SAMTOR: variants seen among roughly 807,000 people sequenced by gnomAD.
SAMTOR encodes UPF0532 protein C7orf60.
chr7:112,885,756 C>G, the SAMTOR span, among the ~76,000 whole-genome samples: 2 of 152,170 alleles, frequency 1.3e-5, no homozygotes, highest in Non-Finnish European at 1.5e-5. Flanking sequence ...ATTTTACTGT[C>G]TTCTTCTGAG....
At chr7:112,901,407 A>G in the SAMTOR span, among the ~76,000 whole-genome samples, 1 of 152,218 alleles carries the variant, frequency 6.6e-6, no homozygotes, top group Non-Finnish European at 1.5e-5. Context: ...ATGATCTGTC[A>G]CTGTATCCCA....
At chr7:112,938,495 T>G in the SAMTOR span, among the ~76,000 whole-genome samples, 4 of 152,362 alleles carry the variant, frequency 2.6e-5, no homozygotes, top group Admixed American at 1.3e-4. Flanking sequence ...AGTAACATGA[T>G]CTTACCTGTC....
the SAMTOR span, among the ~76,000 whole-genome samples, chr7:112,871,564 T>C: frequency 6.6e-6 from 1 of 151,578 alleles, no homozygotes; most frequent in Non-Finnish European, 1.5e-5. Flanking sequence ...CACACCAAGA[T>C]AGGAAGGTCT....
chr7:112,824,570 C>T, the SAMTOR span, among the ~76,000 whole-genome samples: 1 of 152,070 alleles, frequency 6.6e-6, no homozygotes, highest in Non-Finnish European at 1.5e-5. Context: ...ACCATATTGG[C>T]CAGGCTGGTC....
the SAMTOR span, among the ~76,000 whole-genome samples, chr7:112,854,627 A>G: frequency 6.6e-6 from 1 of 152,206 alleles, no homozygotes; most frequent in African/African-American, 2.4e-5. Flanking sequence ...AAAGCTACAC[A>G]AAGAATGTAA....
At chr7:112,873,309 T>C in the SAMTOR span, among the ~76,000 whole-genome samples, 1 of 152,054 alleles carries the variant, frequency 6.6e-6, no homozygotes, top group Non-Finnish European at 1.5e-5. Flanking sequence ...CATTACCCAA[T>C]TGCAAACTAC....
the SAMTOR span, among the ~76,000 whole-genome samples, chr7:112,914,830 CA>C: frequency 6.6e-6 from 1 of 152,058 alleles, no homozygotes; most frequent in Non-Finnish European, 1.5e-5. Flanking sequence ...GTGAATGAAA[CA>C]GACCTAGGGA....
At chr7:112,916,900 C>A in the SAMTOR span, among the ~76,000 whole-genome samples, 1 of 152,208 alleles carries the variant, frequency 6.6e-6, no homozygotes, top group Non-Finnish European at 1.5e-5. Context: ...GAGGGGCGCC[C>A]GCCATTGCCC....
the SAMTOR span, among the ~76,000 whole-genome samples, chr7:112,897,958 G>C: frequency 1.3e-5 from 2 of 152,164 alleles, no homozygotes; most frequent in African/African-American, 2.4e-5. Context: ...CCTCTCCCAA[G>C]CCCCGGCAGT....
chr7:112,895,397 T>C, the SAMTOR span, among the ~76,000 whole-genome samples: 94 of 152,270 alleles, frequency 6.2e-4, no homozygotes, highest in African/African-American at 2.0e-3. Flanking sequence ...CAGATAGCTC[T>C]TACAATTTTC....
At chr7:112,882,084 G>A in the SAMTOR span, among the ~76,000 whole-genome samples, 36 of 152,334 alleles carry the variant, frequency 2.4e-4, no homozygotes, top group African/African-American at 7.0e-4. Context: ...TGCCCACAGC[G>A]GAAGCTGCTT....
chr7:112,853,271 T>C, the SAMTOR span, among the ~76,000 whole-genome samples: 6 of 152,150 alleles, frequency 3.9e-5, no homozygotes, highest in African/African-American at 1.2e-4. Flanking sequence ...CGGAAAAGAA[T>C]TGAGGAAATA....
the SAMTOR span, among the ~76,000 whole-genome samples, chr7:112,867,045 C>T: frequency 9.2e-5 from 14 of 152,162 alleles, no homozygotes; most frequent in Admixed American, 2.6e-4. Flanking sequence ...TTGTAATGTC[C>T]ATCATTTGAT....
the SAMTOR span, among the ~76,000 whole-genome samples, chr7:112,919,528 A>C: frequency 6.6e-6 from 1 of 152,156 alleles, no homozygotes; most frequent in Non-Finnish European, 1.5e-5. Flanking sequence ...CTAACATCAC[A>C]ATTAAAAGAA....
the SAMTOR span, among the ~76,000 whole-genome samples, chr7:112,864,117 C>T: frequency 6.6e-6 from 1 of 152,126 alleles, no homozygotes; most frequent in African/African-American, 2.4e-5. Context: ...CCATGGTGGC[C>T]ATTATCCTCA....
the SAMTOR span, among the ~76,000 whole-genome samples, chr7:112,860,111 A>AC: frequency 6.6e-6 from 1 of 152,280 alleles, no homozygotes; most frequent in Non-Finnish European, 1.5e-5. Context: ...ATACACAAAT[A>AC]CCATTGTTAC....
chr7:112,864,463 T>A, the SAMTOR span, among the ~76,000 whole-genome samples: 1 of 152,216 alleles, frequency 6.6e-6, no homozygotes, highest in African/African-American at 2.4e-5. Context: ...ATACTGTGAA[T>A]TCTATTTGTA....
At chr7:112,905,113 C>A in the SAMTOR span, among the ~76,000 whole-genome samples, 4 of 152,194 alleles carry the variant, frequency 2.6e-5, no homozygotes, top group African/African-American at 9.7e-5. Flanking sequence ...CCAAAGCCTA[C>A]TGAAATTATT....
the SAMTOR span, among the ~76,000 whole-genome samples, chr7:112,869,032 A>AGT: frequency 6.6e-6 from 1 of 152,186 alleles, no homozygotes; most frequent in Non-Finnish European, 1.5e-5. Context: ...TTTAACCTTC[A>AGT]GTGTGGACTG....
Sources: allele counts gnomAD v4.1 joint callset (sites outside exome capture counted in the v4.1 genomes callset), GRCh38; gene constraint gnomAD v4.1.1; transcripts MANE v1.5; gene names NCBI Gene and HGNC (gene_info 2026-07-23, HGNC 2026-07-21).